SP140L: variants seen among roughly 807,000 people sequenced by gnomAD.
SP140L encodes the protein SP140 like nuclear body protein.
A neutral mutation model predicts 84.3 loss-of-function variants in SP140L; 64 were observed. That is an observed-to-expected ratio of 0.76 (90% CI 0.62 to 0.94). The LOEUF (loss-of-function observed/expected upper bound fraction) is 0.94. Among genes scored for constraint, SP140L ranks in the 40% least tolerant of loss-of-function variants. The pLI is 0.00. For synonymous variants in SP140L, 242 were observed against 236.9 expected (o/e 1.02, Z -0.20); for missense variants, 628 against 692.5 (o/e 0.91, Z 1.05).
At chr2:230,387,396 C>T (rs577761091) in intron 9 of SP140L, among the ~76,000 whole-genome samples, 54 of 152,128 alleles carry the variant, frequency 3.5e-4, no homozygotes, top group Admixed American at 2.6e-4. Context: ...TTCCTTGGGC[C>T]ATTTGGGTCT....
rs115601607 is a variant in SP140L at position 230,333,580 on chromosome 2, T to G, written c.107+4749T>G. 4.4e-3 allele frequency among the ~76,000 whole-genome samples: 668 copies of G among 152,318 alleles called. 6 individuals carry two copies. Among genetic ancestry groups the G allele is most frequent in the African/African-American group, 0.015 (632 of 41,550 alleles). On this transcript the variant is annotated intron_variant, in intron 2 of 18. Transcript: ENST00000415673. ...TGATGGTTTGCCTTGGCGTGAGTGT[T>G]GTGCTTAGTTCTCCGGGGTCCTTTC...
rs147884372 is a variant in SP140L at position 230,327,736 on chromosome 2, A to G, written c.32+435A>G. On this transcript the variant is annotated intron_variant, in intron 1 of 18. Transcript: ENST00000415673. ...TCACATATGTCATGTCAAAGAAGGT[A>G]GTTTGGAAATAGACACTCCAGGGTA... Among the ~76,000 whole-genome samples the G allele has an allele frequency of 2.6e-5, 4 of 152,334 alleles. No homozygotes were observed. The East Asian group carries it at 7.7e-4, about 29-fold the overall frequency.
chr2:230,388,568 G>C lies in SP140L; in HGVS notation c.794G>C (p.Arg265Thr), dbSNP rs1319687363. The C allele has an allele frequency of 1.2e-6, 2 of 1,608,530 alleles. No homozygotes were observed. Among genetic ancestry groups the C allele is most frequent in the Non-Finnish European group, 1.7e-6 (2 of 1,178,512 alleles). The change falls in exon 10 of 19, where the codon AGA becomes ACA. Residue 265 changes from arginine to threonine, a missense_variant. Arg to Thr is a moderately conservative substitution (Grantham distance 71, BLOSUM62 -1). Around this residue, in one of 4 missense-constraint regions of SP140L, gnomAD observed 525 missense variants for 518.4 expected, o/e 1.01. Transcript: ENST00000415673. ...KDLSKIRGRKRGKPGTHFTQS... is the reference protein window; with the variant it reads ...KDLSKIRGRKTGKPGTHFTQS... ...TATTCTACTTTCTCAGGGAGAAAGA[G>C]AGGCAAACCTGGAACCCACTTTACT...
chr2:230,342,541 A>AG (rs2060087283), intron 2 of SP140L, among the ~76,000 whole-genome samples: 1 of 152,012 alleles, frequency 6.6e-6, no homozygotes, highest in African/African-American at 2.4e-5. Context: ...TTTAATGGAA[A>AG]GGTTTTTTTT....
chr2:230,337,509 T>C (rs1418610611), intron 2 of SP140L, among the ~76,000 whole-genome samples: 1 of 150,768 alleles, frequency 6.6e-6, no homozygotes, highest in Non-Finnish European at 1.5e-5. Context: ...TTAGATCCCA[T>C]TTGTCAATTT....
intron 2 of SP140L, among the ~76,000 whole-genome samples, chr2:230,353,323 T>C (rs1388852308): frequency 6.6e-6 from 1 of 152,086 alleles, no homozygotes; most frequent in Non-Finnish European, 1.5e-5. Context: ...GAGACTTCTT[T>C]CGTGGCCAAG....
intron 13 of SP140L, among the ~76,000 whole-genome samples, chr2:230,396,015 C>T (rs773186042): frequency 5.3e-5 from 8 of 152,222 alleles, no homozygotes; most frequent in Non-Finnish European, 1.0e-4. Flanking sequence ...TTCATGGCCT[C>T]CAGGACTCTG....
At chr2:230,342,139 G>A (rs544690172) in intron 2 of SP140L, 30 of 165,500 alleles carry the variant, frequency 1.8e-4, no homozygotes, top group African/African-American at 7.0e-4. Context: ...CTAGCAATCA[G>A]TGAGAGTCCG....
intron 2 of SP140L, 95 bp downstream of exon 2, chr2:230,328,926 C>G: frequency 6.9e-7 from 1 of 1,450,540 alleles, no homozygotes; most frequent in East Asian, 2.5e-5. Flanking sequence ...GAAATTTCCT[C>G]TTCCATAATT....
intron 2 of SP140L, among the ~76,000 whole-genome samples, chr2:230,352,129 A>T (rs1339886683): frequency 6.6e-6 from 1 of 152,088 alleles, no homozygotes; most frequent in Non-Finnish European, 1.5e-5. Flanking sequence ...TACCTTTAAG[A>T]TGTTTATAAA....
At chr2:230,379,018 C>A (rs12694853) in intron 7 of SP140L, among the ~76,000 whole-genome samples, 34,989 of 152,034 alleles carry the variant, frequency 0.23, 4,260 homozygotes, top group Non-Finnish European at 0.28. Context: ...TCTGCTTTAT[C>A]CATATTGGTG....
intron 15 of SP140L, 143 bp from the exon 16 acceptor site, chr2:230,400,812 G>T (rs1486552429): frequency 6.4e-7 from 1 of 1,572,892 alleles, no homozygotes; most frequent in Non-Finnish European, 8.6e-7. Flanking sequence ...CCCATGTGCA[G>T]TTCTTGGATA....
At chr2:230,373,166 G>A (rs577329098) in intron 7 of SP140L, among the ~76,000 whole-genome samples, 1 of 152,366 alleles carries the variant, frequency 6.6e-6, no homozygotes, top group South Asian at 2.1e-4. Flanking sequence ...ACATTAAAGG[G>A]CAAGGTGAAG....
chr2:230,400,350 T>G, intron 15 of SP140L, 108 bp downstream of exon 15: 1 of 1,126,838 alleles, frequency 8.9e-7, no homozygotes, highest in South Asian at 1.4e-5. Flanking sequence ...AAGGAGCAGG[T>G]TCATCGGGTA....
intron 2 of SP140L, among the ~76,000 whole-genome samples, chr2:230,329,822 A>G (rs2059678352): frequency 6.6e-6 from 1 of 152,156 alleles, no homozygotes; most frequent in Non-Finnish European, 1.5e-5. Context: ...AGCTTTCAGT[A>G]GATTTCTTGT....
rs1447594145 is a variant in SP140L at position 230,371,586 on chromosome 2, G to T, written c.584-12G>T. ...AATTTCTGTTTCCTCACTACCACTT[G>T]TTATTTTCTAGATACTGTGGATATT... On this transcript the variant is annotated splice_polypyrimidine_tract_variant and intron_variant, in intron 6 of 18. Coordinates refer to ENST00000415673, the MANE Select transcript of SP140L (RefSeq NM_138402.6). 15 of 1,590,902 alleles carry T rather than the reference G, an allele frequency of 9.4e-6. No individual in the cohort carries two copies. The highest frequency in any genetic ancestry group is 1.1e-5 in the Non-Finnish European group (13 of 1,166,196).
rs1006040700 is a variant in SP140L, at chr2:230,393,518, A to C, written c.1155+57A>C. ...GTCACACAACAGATTTAACATGTAC[A>C]ACATCTTATTTTATGGAGTCTCCAA... is the stretch of plus-strand genomic sequence containing the variant. On this transcript the variant is annotated intron_variant, in intron 13 of 18. Transcript: ENST00000415673. 4.7e-6 allele frequency: 7 copies of C among 1,491,698 alleles called. No homozygotes were observed. The African/African-American group carries it at 1.0e-4, about 21-fold the overall frequency. 92.4% of individuals were successfully genotyped at this position (1,491,698 alleles called of 1,614,324 possible).
intron 7 of SP140L, chr2:230,372,231 G>A (rs1048425160): frequency 3.8e-4 from 59 of 154,486 alleles, no homozygotes; most frequent in Middle Eastern, 6.8e-3. Flanking sequence ...TGTTATGGCA[G>A]CAATTAAGAG....
intron 2 of SP140L, among the ~76,000 whole-genome samples, chr2:230,333,500 T>C (rs2059783386): frequency 6.6e-6 from 1 of 152,150 alleles, no homozygotes; most frequent in Non-Finnish European, 1.5e-5. Flanking sequence ...TCACCTGTTT[T>C]GCCTCTCTGA....
Sources: allele counts gnomAD v4.1 joint callset (sites outside exome capture counted in the v4.1 genomes callset), GRCh38; gene constraint gnomAD v4.1.1; regional missense constraint gnomAD v4.1.1; transcripts MANE v1.5; gene names NCBI Gene and HGNC (gene_info 2026-07-23, HGNC 2026-07-21).